Variants in CEP112 observed in about 807,000 individuals in gnomAD.
CEP112 encodes centrosomal protein of 112 kDa.
CEP112 carries 127 observed loss-of-function variants against 153.0 expected under a neutral mutation model. The observed-to-expected ratio is 0.83, with a 90% CI of 0.72 to 0.96. CEP112 has a LOEUF of 0.96. Among genes scored for constraint, CEP112 ranks in the 40% least tolerant of loss-of-function variants. The probability of loss-of-function intolerance (pLI) is 0.00; values close to 1 mark genes in which losing one functional copy is unlikely to be tolerated. For missense variants in CEP112, 1,089 were observed against 1,101.2 expected (o/e 0.99, Z 0.16); for synonymous variants, 358 against 374.4 (o/e 0.96, Z 0.51).
intron 8 of CEP112, among the ~76,000 whole-genome samples, chr17:66,084,693 T>C (rs555508422): frequency 4.0e-5 from 6 of 151,110 alleles, no homozygotes; most frequent in African/African-American, 1.5e-4. Flanking sequence ...AGGGGGGGAG[T>C]TGGGATGGTT....
At chr17:65,666,985 CTT>C (rs1411999486) in intron 24 of CEP112, among the ~76,000 whole-genome samples, 7 of 152,150 alleles carry the variant, frequency 4.6e-5, no homozygotes, top group Admixed American at 2.0e-4. Context: ...CTAAGGGAAA[CTT>C]AATGCTAAGT....
chr17:66,119,160 A>C (rs909932328), intron 6 of CEP112, among the ~76,000 whole-genome samples: 4 of 152,150 alleles, frequency 2.6e-5, no homozygotes, highest in Admixed American at 2.6e-4. Flanking sequence ...ACATGGACAC[A>C]GGGAAGGGAA....
intron 8 of CEP112, among the ~76,000 whole-genome samples, chr17:66,089,283 T>C (rs2068051739): frequency 6.6e-6 from 1 of 151,958 alleles, no homozygotes; most frequent in African/African-American, 2.4e-5. Context: ...ACAAGCAACA[T>C]AAAAAACCAA....
chr17:65,978,953 T>G (rs1277363712), intron 17 of CEP112, among the ~76,000 whole-genome samples: 2 of 152,150 alleles, frequency 1.3e-5, no homozygotes, highest in Non-Finnish European at 2.9e-5. Flanking sequence ...GAATGAAAAT[T>G]TCCCTCTCAA....
intron 23 of CEP112, among the ~76,000 whole-genome samples, chr17:65,729,594 T>A (rs1222615928): frequency 6.6e-6 from 1 of 152,172 alleles, no homozygotes; most frequent in Non-Finnish European, 1.5e-5. Flanking sequence ...ATTAACAATG[T>A]CCAAGTAGTT....
chr17:65,727,096 T>C lies in CEP112; in HGVS notation c.2607+15972A>G, dbSNP rs773685268. 8.1e-4 allele frequency among the ~76,000 whole-genome samples: 123 copies of C among 152,344 alleles called. 1 individual carries two copies. The highest frequency in any genetic ancestry group is 1.4e-3 in the Non-Finnish European group (98 of 68,030). On this transcript the variant is annotated intron_variant, in intron 23 of 26. Transcript: ENST00000535342. ...CCTCCACAGAGGCCACACTGGTTTA[T>C]ACTCCCAGAAATGGGGCACGAGCCT...
intron 21 of CEP112, among the ~76,000 whole-genome samples, chr17:65,766,158 G>A (rs977655813): frequency 1.1e-3 from 150 of 141,392 alleles, no homozygotes; most frequent in African/African-American, 3.6e-3. Context: ...GTATCATAAC[G>A]AAGAACCGAA....
intron 19 of CEP112, among the ~76,000 whole-genome samples, chr17:65,916,304 G>C (rs934733791): frequency 1.9e-5 from 2 of 106,066 alleles, no homozygotes; most frequent in African/African-American, 6.9e-5. Context: ...TGTGTGGTAG[G>C]AGTAGTGGTG....
intron 11 of CEP112, among the ~76,000 whole-genome samples, chr17:66,058,837 G>T (rs573995450): frequency 6.6e-6 from 1 of 152,200 alleles, no homozygotes; most frequent in East Asian, 1.9e-4. Context: ...GGGTGACAGA[G>T]CAAGACCCTG....
At chr17:66,116,005 C>T (rs984781842) in intron 6 of CEP112, among the ~76,000 whole-genome samples, 2 of 152,166 alleles carry the variant, frequency 1.3e-5, no homozygotes, top group African/African-American at 4.8e-5. Flanking sequence ...GAAGGCCACA[C>T]TGAGTACAAT....
chr17:65,867,224 C>T (rs574754992), intron 20 of CEP112, among the ~76,000 whole-genome samples: 9 of 152,330 alleles, frequency 5.9e-5, no homozygotes, highest in Middle Eastern at 3.4e-3. Context: ...CCCGCCCCAC[C>T]GCTGCTGGCA....
At chr17:65,657,264 T>C (rs2046109437) in intron 24 of CEP112, among the ~76,000 whole-genome samples, 1 of 152,244 alleles carries the variant, frequency 6.6e-6, no homozygotes, top group African/African-American at 2.4e-5. Flanking sequence ...TTTGGTCTCA[T>C]TTCTAATGTT....
intron 23 of CEP112, among the ~76,000 whole-genome samples, chr17:65,724,215 T>C (rs1398290476): frequency 6.6e-6 from 1 of 152,178 alleles, no homozygotes; most frequent in African/African-American, 2.4e-5. Flanking sequence ...CATTGACAAC[T>C]CGGGAAATAA....
intron 17 of CEP112, among the ~76,000 whole-genome samples, chr17:65,964,456 G>A (rs1181606206): frequency 1.3e-5 from 2 of 152,192 alleles, no homozygotes; most frequent in African/African-American, 4.8e-5. Context: ...TAAGTTGTAT[G>A]TAGGATTTCC....
At chr17:65,674,101 C>T (rs1567845112) in intron 24 of CEP112, among the ~76,000 whole-genome samples, 2 of 152,098 alleles carry the variant, frequency 1.3e-5, no homozygotes, top group African/African-American at 4.8e-5. Context: ...GGTCTCCTGA[C>T]CTCAGGCAAT....
chr17:65,757,057 C>T (rs1322897513), intron 21 of CEP112, among the ~76,000 whole-genome samples: 1 of 152,130 alleles, frequency 6.6e-6, no homozygotes, highest in Non-Finnish European at 1.5e-5. Context: ...GGAAGAGACA[C>T]CCATCTTTCT....
chr17:65,881,043 T>C (rs762960725), intron 20 of CEP112, among the ~76,000 whole-genome samples: 39 of 152,246 alleles, frequency 2.6e-4, no homozygotes, highest in South Asian at 2.1e-4. Flanking sequence ...AGTGAAACCC[T>C]GTCTCTACTA....
At chr17:66,178,785 G>A (rs1301720868) in intron 2 of CEP112, among the ~76,000 whole-genome samples, 3 of 151,848 alleles carry the variant, frequency 2.0e-5, no homozygotes, top group Non-Finnish European at 4.4e-5. Context: ...TTGAAAACTT[G>A]ATATCCGTAT....
At chr17:66,050,868 G>T (rs1353494924) in intron 12 of CEP112, among the ~76,000 whole-genome samples, 1 of 152,106 alleles carries the variant, frequency 6.6e-6, no homozygotes, top group Non-Finnish European at 1.5e-5. Flanking sequence ...TCCAAAAATT[G>T]TATTGCTCTC....
Sources: allele counts gnomAD v4.1 joint callset (sites outside exome capture counted in the v4.1 genomes callset), GRCh38; gene constraint gnomAD v4.1.1; transcripts MANE v1.5; gene names NCBI Gene and HGNC (gene_info 2026-07-23, HGNC 2026-07-21).